ATP6V1E1: variants seen among roughly 807,000 people sequenced by gnomAD.
The protein encoded by ATP6V1E1 is V-type proton ATPase subunit E 1.
A neutral mutation model predicts 35.2 loss-of-function variants in ATP6V1E1; 21 were observed. The ratio of observed to expected loss-of-function variants is 0.60; its 90% CI spans 0.42 to 0.86. ATP6V1E1 has a LOEUF of 0.86. Among genes scored for constraint, ATP6V1E1 ranks in the 40% least tolerant of loss-of-function variants. ATP6V1E1 has a pLI of 0.00. For synonymous variants in ATP6V1E1, 83 were observed against 87.8 expected, an observed-to-expected ratio of 0.95 and a Z score of 0.30; for missense variants, 183 against 272.6, an observed-to-expected ratio of 0.67 and a Z score of 2.32.
chr22:17,594,674 G>A (rs1490892915), intron 7 of ATP6V1E1, 58 bp from the exon 8 acceptor site: 3 of 1,396,740 alleles, frequency 2.1e-6, no homozygotes, highest in African/African-American at 1.5e-5. Context: ...AAGATACATG[G>A]TACCCTTTAC....
At chr22:17,599,391 A>T (rs1451312018) in intron 6 of ATP6V1E1, among the ~76,000 whole-genome samples, 1 of 151,872 alleles carries the variant, frequency 6.6e-6, no homozygotes, top group Non-Finnish European at 1.5e-5. Flanking sequence ...CCTGGCCAAC[A>T]CGGTGAAACC....
chr22:17,616,952 G>C (rs2057849036), intron 2 of ATP6V1E1, among the ~76,000 whole-genome samples: 1 of 109,680 alleles, frequency 9.1e-6, no homozygotes, highest in Non-Finnish European at 1.9e-5. Context: ...GGAGGCTGAG[G>C]CAGGAGAATG....
At chr22:17,625,829 A>G (rs891095370) in intron 1 of ATP6V1E1, among the ~76,000 whole-genome samples, 4 of 152,006 alleles carry the variant, frequency 2.6e-5, no homozygotes, top group Non-Finnish European at 5.9e-5. Context: ...TTGCATGACA[A>G]AATTCTTAAT....
intron 2 of ATP6V1E1, among the ~76,000 whole-genome samples, chr22:17,616,962 G>C (rs1249358585): frequency 1.0e-5 from 1 of 95,278 alleles, no homozygotes; most frequent in African/African-American, 4.1e-5. Flanking sequence ...GCAGGAGAAT[G>C]GCGTGAACCC....
chr22:17,626,719 A>G (rs745740556), intron 1 of ATP6V1E1, among the ~76,000 whole-genome samples: 1 of 152,104 alleles, frequency 6.6e-6, no homozygotes, highest in African/African-American at 2.4e-5. Context: ...TAGTAGAGAC[A>G]GGGTTTTGCC....
intron 4 of ATP6V1E1, among the ~76,000 whole-genome samples, chr22:17,609,399 A>G (rs1443228378): frequency 6.7e-6 from 1 of 149,008 alleles, no homozygotes; most frequent in Non-Finnish European, 1.5e-5. Context: ...ACCTCAAGTG[A>G]TCCATCCGCC....
At chr22:17,595,988 G>A (rs1223955396) in intron 7 of ATP6V1E1, among the ~76,000 whole-genome samples, 2 of 150,622 alleles carry the variant, frequency 1.3e-5, no homozygotes, top group Non-Finnish European at 3.0e-5. Context: ...AAAAATTAGC[G>A]AGGCATGGTG....
chr22:17,612,838 G>A lies in ATP6V1E1; in HGVS notation c.250C>T (p.Leu84Phe). ...NLMNQARLKV[L>F]RARDDLITDL... ...GTGATAAGGTCATCTCTTGCTCTGA[G>A]GACTTTGAGTCTCGCTTGATTCATC... The change falls in exon 4 of 9, where the codon CTC becomes TTC. Residue 84 changes from leucine (L) to phenylalanine (F), a missense_variant. Physicochemically the swap from Leu to Phe is conservative, Grantham distance 22. Coordinates refer to ENST00000253413, the MANE Select transcript of ATP6V1E1 (RefSeq NM_001696.4). 1 of 1,609,044 alleles carries A rather than the reference G, an allele frequency of 6.2e-7. No individual in the cohort carries two copies. The highest frequency in any genetic ancestry group is 8.5e-7 in the Non-Finnish European group (1 of 1,179,214).
At chr22:17,610,671 T>C (rs1002376473) in intron 4 of ATP6V1E1, among the ~76,000 whole-genome samples, 1 of 152,234 alleles carries the variant, frequency 6.6e-6, no homozygotes, top group Admixed American at 6.5e-5. Context: ...TTTTGAATTG[T>C]ACAAATAATA....
intron 6 of ATP6V1E1, among the ~76,000 whole-genome samples, chr22:17,598,967 G>A (rs138059227): frequency 5.4e-4 from 82 of 152,266 alleles, no homozygotes; most frequent in Admixed American, 2.9e-3. Context: ...CATCCATACC[G>A]TGGAATATTA....
At chr22:17,608,533 C>A (rs1226309253) in intron 4 of ATP6V1E1, among the ~76,000 whole-genome samples, 1 of 152,184 alleles carries the variant, frequency 6.6e-6, no homozygotes, top group Non-Finnish European at 1.5e-5. Context: ...TCAAGTGATT[C>A]TCCCATCTCA....
intron 2 of ATP6V1E1, among the ~76,000 whole-genome samples, chr22:17,615,622 G>A (rs956907348): frequency 2.0e-5 from 3 of 151,560 alleles, no homozygotes; most frequent in Non-Finnish European, 1.5e-5. Flanking sequence ...CAGCCTGGGC[G>A]ATAGAGGTGG....
chr22:17,619,110 G>A (rs1014310460), intron 2 of ATP6V1E1: 4 of 453,438 alleles, frequency 8.8e-6, no homozygotes, highest in South Asian at 4.7e-5. Flanking sequence ...TGGCCAACAC[G>A]GTGAAACCCC....
chr22:17,623,825 A>G (rs1823646912), intron 1 of ATP6V1E1, among the ~76,000 whole-genome samples: 1 of 152,130 alleles, frequency 6.6e-6, no homozygotes, highest in Admixed American at 6.6e-5. Flanking sequence ...CACAGCCTAG[A>G]GCAAACTGCG....
chr22:17,610,520 C>A (rs369678263), intron 4 of ATP6V1E1, among the ~76,000 whole-genome samples: 2 of 150,144 alleles, frequency 1.3e-5, no homozygotes, highest in African/African-American at 4.9e-5. Flanking sequence ...GCATAAAAAA[C>A]AAACCAAATA....
chr22:17,618,989 G>T (rs1039687009), intron 2 of ATP6V1E1: 3 of 452,996 alleles, frequency 6.6e-6, no homozygotes, highest in African/African-American at 6.0e-5. Flanking sequence ...GACGAAGCGA[G>T]ACTGTCTCAA....
At chr22:17,619,633 C>A in intron 1 of ATP6V1E1, 107 bp from the exon 2 acceptor site, 1 of 945,748 alleles carries the variant, frequency 1.1e-6, no homozygotes. Flanking sequence ...CGCCCGTAAT[C>A]CTACCACTCT....
chr22:17,619,712 C>T (rs1409978702), intron 1 of ATP6V1E1, among the ~76,000 whole-genome samples, 186 bp from the exon 2 acceptor site: 1 of 152,110 alleles, frequency 6.6e-6, no homozygotes, highest in African/African-American at 2.4e-5. Context: ...ACAGATACCC[C>T]GTCTCTACTA....
Position 17,628,630 on chromosome 22 carries a change from A to C in ATP6V1E1, c.6T>G (p.Ala2=). The change falls in exon 1 of 9, where the codon GCT becomes GCG. Residue 2 remains alanine, a synonymous_variant. Coordinates refer to ENST00000253413, the MANE Select transcript of ATP6V1E1 (RefSeq NM_001696.4). ...GCTTTTGCACGTCAGCATCGCTGAG[A>C]GCCATGGCGAGAGCAATGCTAGGCC... M[A]LSDADVQKQI... is the part of the protein sequence containing the mutation. 6.2e-7 allele frequency: 1 copy of C among 1,614,166 alleles called. No homozygotes were observed. The highest frequency in any genetic ancestry group is 8.5e-7 in the Non-Finnish European group (1 of 1,180,038).
Sources: allele counts gnomAD v4.1 joint callset (sites outside exome capture counted in the v4.1 genomes callset), GRCh38; gene constraint gnomAD v4.1.1; transcripts MANE v1.5; gene names NCBI Gene and HGNC (gene_info 2026-07-23, HGNC 2026-07-21).